The following CELF2 variants were observed in gnomAD, a reference collection of about 807,000 sequenced individuals.
CELF2 encodes the protein CUGBP Elav-like family member 2.
Under a neutral mutation model 62.6 loss-of-function variants are expected in CELF2, and 8 were observed. That is an observed-to-expected ratio of 0.13 (90% CI 0.07 to 0.23). CELF2 has a LOEUF of 0.23. CELF2 is among the 10% of genes least tolerant of loss of function. CELF2 has a pLI of 1.00. For missense variants in CELF2, 333 were observed against 671.0 expected (o/e 0.50, Z 5.56); for synonymous variants, 258 against 250.0 (o/e 1.03, Z -0.30).
At chr10:10,887,437 G>A (rs925736553) in intron 1 of CELF2, among the ~76,000 whole-genome samples, 5 of 152,148 alleles carry the variant, frequency 3.3e-5, no homozygotes, top group Admixed American at 6.5e-5. Flanking sequence ...GCGTTTCAGC[G>A]CATATTATTA....
chr10:10,689,318 C>A, the CELF2 span, among the ~76,000 whole-genome samples: 2 of 152,068 alleles, frequency 1.3e-5, no homozygotes, highest in African/African-American at 4.8e-5. Flanking sequence ...CACTTTTAAA[C>A]CATCAGATCT....
At chr10:10,770,200 C>T in the CELF2 span, among the ~76,000 whole-genome samples, 1 of 152,028 alleles carries the variant, frequency 6.6e-6, no homozygotes, top group Non-Finnish European at 1.5e-5. Context: ...GAAAAGATTG[C>T]ATAATTAGTT....
At chr10:11,058,265 T>C (rs2065800699) in intron 1 of CELF2, among the ~76,000 whole-genome samples, 1 of 152,198 alleles carries the variant, frequency 6.6e-6, no homozygotes, top group Admixed American at 6.5e-5. Context: ...GTAGTCTGAC[T>C]GTATATAGCT....
At chr10:11,221,492 T>C (rs1451249267) in intron 3 of CELF2, among the ~76,000 whole-genome samples, 1 of 152,256 alleles carries the variant, frequency 6.6e-6, no homozygotes, top group Non-Finnish European at 1.5e-5. Flanking sequence ...CCAAATATCC[T>C]TGTGCCGGTG....
intron 2 of CELF2, among the ~76,000 whole-genome samples, chr10:10,955,075 T>C (rs1050714450): frequency 7.9e-5 from 12 of 152,370 alleles, no homozygotes; most frequent in African/African-American, 2.6e-4. Context: ...TAAAGTATAA[T>C]TTATTGATTG....
chr10:11,030,652 C>G (rs1210557405), intron 1 of CELF2: 1 of 152,272 alleles, frequency 6.6e-6, no homozygotes, highest in Non-Finnish European at 1.5e-5. Flanking sequence ...GCCTGCAAGT[C>G]TCTTGAGGAT....
At chr10:10,920,928 G>A (rs1253855724) in intron 2 of CELF2, among the ~76,000 whole-genome samples, 1 of 152,062 alleles carries the variant, frequency 6.6e-6, no homozygotes, top group African/African-American at 2.4e-5. Flanking sequence ...GAGCACCAAG[G>A]ATTGTGCCTT....
intron 1 of CELF2, among the ~76,000 whole-genome samples, chr10:10,810,957 C>T (rs967684510): frequency 6.6e-6 from 1 of 152,138 alleles, no homozygotes; most frequent in Non-Finnish European, 1.5e-5. Flanking sequence ...CACTTGCAAC[C>T]CAGAAGGTCC....
rs1590678197 is a variant in CELF2 at position 10,812,360 on chromosome 10, C to G, written c.53+13543C>G. On this transcript the variant is annotated intron_variant, in intron 1 of 13. Coordinates refer to the CELF2 transcript ENST00000636488. ...TGATTCAATTATCTCCCACTGAGTC[C>G]TTCCCACAACATGTGGAAATTATGG... Among the ~76,000 whole-genome samples, 3 of 152,222 alleles carry G rather than the reference C, an allele frequency of 2.0e-5. No homozygotes were observed. In the East Asian group the frequency reaches 5.8e-4, roughly 29 times the overall value.
the CELF2 span, among the ~76,000 whole-genome samples, chr10:10,589,438 C>G: frequency 6.6e-6 from 1 of 152,210 alleles, no homozygotes; most frequent in Non-Finnish European, 1.5e-5. Context: ...ATAGCCTCAG[C>G]TAGTTTTTCA....
the CELF2 span, among the ~76,000 whole-genome samples, chr10:10,748,831 C>T: frequency 7.4e-5 from 11 of 148,296 alleles, no homozygotes; most frequent in Admixed American, 7.4e-4. Flanking sequence ...AAAGGACTGA[C>T]AATGAGCTGG....
the CELF2 span, among the ~76,000 whole-genome samples, chr10:10,644,055 G>A: frequency 6.6e-6 from 1 of 152,072 alleles, no homozygotes; most frequent in Non-Finnish European, 1.5e-5. Flanking sequence ...CCAAACCCAA[G>A]CCTTGCCTTT....
chr10:10,510,915 G>A, the CELF2 span, among the ~76,000 whole-genome samples: 1 of 152,146 alleles, frequency 6.6e-6, no homozygotes, highest in Non-Finnish European at 1.5e-5. Flanking sequence ...AAGGAGCAAG[G>A]GATGTTCCCA....
chr10:10,502,621 C>A, the CELF2 span, among the ~76,000 whole-genome samples: 2 of 151,630 alleles, frequency 1.3e-5, no homozygotes, highest in African/African-American at 4.8e-5. Flanking sequence ...AATAACATAC[C>A]CCATTTTATT....
rs1250789727 is a variant in CELF2 at position 11,223,801 on chromosome 10, G to T, written c.354+6294G>T. Among the ~76,000 whole-genome samples, 1 of 152,204 alleles carries T rather than the reference G, an allele frequency of 6.6e-6. No individual in the cohort carries two copies. The highest frequency in any genetic ancestry group is 1.5e-5 in the Non-Finnish European group (1 of 68,036). On this transcript the variant is annotated intron_variant, in intron 3 of 12. Transcript: ENST00000633077. The surrounding 1 kb of genome is among the most constrained non-coding windows in gnomAD (Gnocchi z 5.1). ...ATAGATCCAGGAGAGGATATCGGAG[G>T]ATGGAAGGAAATCCTGGGCCCAGTG...
chr10:11,205,451 C>G (rs1346673374), intron 2 of CELF2, among the ~76,000 whole-genome samples: 1 of 152,198 alleles, frequency 6.6e-6, no homozygotes, highest in Admixed American at 6.5e-5. Context: ...TTACTAAGCA[C>G]TCTTATTTAC....
intron 8 of CELF2, among the ~76,000 whole-genome samples, chr10:11,283,729 G>C (rs1446244372): frequency 6.6e-6 from 1 of 151,828 alleles, no homozygotes; most frequent in Non-Finnish European, 1.5e-5. Flanking sequence ...GGGACTCCCT[G>C]GCCTGAGCCT....
the CELF2 span, among the ~76,000 whole-genome samples, chr10:10,630,908 A>G: frequency 6.6e-6 from 1 of 152,316 alleles, no homozygotes; most frequent in East Asian, 1.9e-4. Flanking sequence ...CATGCACATT[A>G]AGGAGCTGCG....
chr10:11,325,635 C>T (rs944047110), intron 11 of CELF2, among the ~76,000 whole-genome samples: 5 of 152,216 alleles, frequency 3.3e-5, no homozygotes, highest in African/African-American at 9.6e-5. Context: ...GGAAGCCATT[C>T]GTAACCAGCA....
Sources: allele counts gnomAD v4.1 joint callset (sites outside exome capture counted in the v4.1 genomes callset), GRCh38; gene constraint gnomAD v4.1.1; non-coding constraint Gnocchi (gnomAD v3.1); transcripts MANE v1.5; gene names NCBI Gene and HGNC (gene_info 2026-07-23, HGNC 2026-07-21).